KIF6: variants seen among roughly 807,000 people sequenced by gnomAD.
The protein encoded by KIF6 is kinesin-like protein KIF6.
A neutral mutation model predicts 112.7 loss-of-function variants in KIF6; 106 were observed. The ratio of observed to expected loss-of-function variants is 0.94; its 90% CI spans 0.80 to 1.11. KIF6 has a LOEUF of 1.11. Ranked by LOEUF, KIF6 falls within the 50% of genes least tolerant of loss-of-function variation. KIF6 has a pLI of 0.00. For synonymous variants in KIF6, 339 were observed against 339.9 expected (o/e 1.00, Z 0.03); for missense variants, 929 against 964.0 (o/e 0.96, Z 0.48).
chr6:39,724,601 A>T (rs911202304), intron 1 of KIF6, among the ~76,000 whole-genome samples: 1 of 152,224 alleles, frequency 6.6e-6, no homozygotes, highest in Non-Finnish European at 1.5e-5. Flanking sequence ...AATGAAGTAC[A>T]CATGCGTATT....
intron 10 of KIF6, among the ~76,000 whole-genome samples, chr6:39,571,416 C>T (rs962693823): frequency 1.3e-5 from 2 of 152,188 alleles, no homozygotes; most frequent in Admixed American, 6.5e-5. Flanking sequence ...CATGGTCACC[C>T]TGCTAAAGCT....
intron 10 of KIF6, among the ~76,000 whole-genome samples, chr6:39,576,804 C>A (rs1780998712): frequency 6.6e-6 from 1 of 152,178 alleles, no homozygotes; most frequent in South Asian, 2.1e-4. Flanking sequence ...AGTTTCTCAG[C>A]AAAACTGTCT....
chr6:39,533,442 G>A (rs1049129954), intron 13 of KIF6, among the ~76,000 whole-genome samples: 16 of 152,234 alleles, frequency 1.1e-4, no homozygotes, highest in Non-Finnish European at 5.9e-5. Context: ...ACTGCAAGGA[G>A]GCAGCGAGGC....
chr6:39,543,872 A>C (rs1246852911), intron 12 of KIF6, among the ~76,000 whole-genome samples: 1 of 152,154 alleles, frequency 6.6e-6, no homozygotes, highest in Admixed American at 6.5e-5. Flanking sequence ...CACTTTCAGC[A>C]CCCAAAATAC....
In KIF6 at chr6:39,711,277, TAAAAAAAA is replaced by T. The variant is rs34784345; in HGVS notation, c.251+3407_251+3414del. Among the ~76,000 whole-genome samples the T allele has an allele frequency of 1.6e-3, 116 of 72,870 alleles. 1 individual carries two copies. The highest frequency in any genetic ancestry group is 5.6e-3 in the South Asian group (12 of 2,158). The allele number at this position is 72,870 out of a possible 152,430, so 47.8% of individuals were successfully genotyped here. On this transcript the variant is annotated intron_variant, in intron 3 of 22. Coordinates refer to ENST00000287152, the MANE Select transcript of KIF6 (RefSeq NM_145027.6). ...AAAAATCCTAAAAACACCTGGAAAGTAAAAAAAAAAAAAAAAAAAAGTATGTCTAAAAA... is the reference window on the plus strand; with the variant it reads ...AAAAATCCTAAAAACACCTGGAAAGTAAAAAAAAAAAAGTATGTCTAAAAA...
chr6:39,590,408 T>C (rs971804934), intron 7 of KIF6, among the ~76,000 whole-genome samples: 2 of 130,680 alleles, frequency 1.5e-5, no homozygotes, highest in Admixed American at 8.9e-5. Context: ...GATATATATA[T>C]ATGTGTGTGT....
At chr6:39,591,706 G>A (rs573779701) in intron 7 of KIF6, among the ~76,000 whole-genome samples, 27 of 152,314 alleles carry the variant, frequency 1.8e-4, no homozygotes, top group Non-Finnish European at 3.2e-4. Flanking sequence ...AGAAATGGCA[G>A]GTATTCAGGA....
intron 9 of KIF6, 88 bp from the exon 10 acceptor site, chr6:39,578,247 A>T: frequency 1.2e-6 from 1 of 841,656 alleles, no homozygotes. Context: ...AAAATTATGG[A>T]CAATTTTATG....
intron 10 of KIF6, among the ~76,000 whole-genome samples, chr6:39,546,823 C>T (rs962261002): frequency 1.8e-5 from 2 of 112,790 alleles, no homozygotes; most frequent in African/African-American, 8.5e-5. Context: ...AAGACCCTGT[C>T]TCAAAAAAAA....
chr6:39,544,568 T>C lies in KIF6; in HGVS notation c.1413A>G (p.Arg471=). The change falls in exon 12 of 23, where the codon AGA becomes AGG. Residue 471 remains arginine, a synonymous_variant. Transcript: ENST00000287152. ...CAGAAAGGATACTGATTTCGTTATC[T>C]CTCTGTTTCAGAATATCTCGTAGCT... ...YRKLRDILKQ[R]DNEINILVNM... is the part of the protein sequence containing the mutation. 6.2e-7 allele frequency: 1 copy of C among 1,611,974 alleles called. No individual in the cohort carries two copies. The highest frequency in any genetic ancestry group is 1.1e-5 in the South Asian group (1 of 90,526).
At chr6:39,638,602 T>C (rs1168813421) in intron 4 of KIF6, among the ~76,000 whole-genome samples, 1 of 152,142 alleles carries the variant, frequency 6.6e-6, no homozygotes, top group Non-Finnish European at 1.5e-5. Flanking sequence ...TGCTACTTTA[T>C]GGATGGCAAT....
chr6:39,367,693 G>A (rs114480518), intron 16 of KIF6, among the ~76,000 whole-genome samples: 195 of 152,310 alleles, frequency 1.3e-3, no homozygotes, highest in African/African-American at 4.4e-3. Context: ...GGCCAGTCAA[G>A]ATGTGGACCC....
Position 39,343,605 on chromosome 6 carries a change from G to A in KIF6, c.2428+104C>T, listed in dbSNP as rs768722151. ...AGGCAGGCCAGTCCTGTGGCTTCAG[G>A]AATATGCAGGAAACTCCCTACTCCC... On this transcript the variant is annotated intron_variant, in intron 22 of 22. Coordinates refer to ENST00000287152, the MANE Select transcript of KIF6 (RefSeq NM_145027.6). The surrounding 1 kb of genome is among the most constrained non-coding windows in gnomAD (Gnocchi z 4.1). The A allele has an allele frequency of 1.3e-4, 143 of 1,134,866 alleles. No homozygotes were observed. In the Middle Eastern group the frequency reaches 1.4e-3, roughly 11 times the overall value. 70.3% of individuals were successfully genotyped at this position (1,134,866 alleles called of 1,614,324 possible).
At chr6:39,442,697 C>T (rs147417607) in intron 13 of KIF6, among the ~76,000 whole-genome samples, 1 of 152,184 alleles carries the variant, frequency 6.6e-6, no homozygotes, top group Non-Finnish European at 1.5e-5. Context: ...ATGTCTAATT[C>T]CAGGCTCAAT....
At chr6:39,609,873 G>A (rs1406331333) in intron 6 of KIF6, among the ~76,000 whole-genome samples, 1 of 152,120 alleles carries the variant, frequency 6.6e-6, no homozygotes, top group African/African-American at 2.4e-5. Context: ...GCTCCACATG[G>A]AAGAGATTCT....
At position 39,343,112 on chromosome 6, in the gene KIF6, G is replaced by C; in HGVS notation, c.2428+597C>G. ...AAAGAGAAAAGGCCCAGCCACAGCA[G>C]ATGGGAGATGGGCAGCTGCCAAGAG... is the stretch of plus-strand genomic sequence containing the variant. On this transcript the variant is annotated intron_variant, in intron 22 of 22. Coordinates refer to ENST00000287152, the MANE Select transcript of KIF6 (RefSeq NM_145027.6). This position sits in a 1 kb window ranked among gnomAD's most constrained non-coding sequence, Gnocchi z 4.1. The C allele has an allele frequency of 3.0e-6, 3 of 985,418 alleles. No individual in the cohort carries two copies. The highest frequency in any genetic ancestry group is 3.6e-6 in the Non-Finnish European group (3 of 829,916). 61.0% of individuals were successfully genotyped at this position (985,418 alleles called of 1,614,324 possible). A position where few individuals can be genotyped will look rare whatever the true frequency, so the allele number is the denominator to read the frequency against.
intron 16 of KIF6, among the ~76,000 whole-genome samples, chr6:39,373,145 T>C (rs145764195): frequency 6.6e-6 from 1 of 152,332 alleles, no homozygotes; most frequent in Non-Finnish European, 1.5e-5. Context: ...TTCTATATGT[T>C]TGGTCAAATG....
intron 10 of KIF6, among the ~76,000 whole-genome samples, chr6:39,551,707 T>C (rs914584239): frequency 6.6e-6 from 1 of 152,190 alleles, no homozygotes; most frequent in Admixed American, 6.5e-5. Context: ...AGGAATATGA[T>C]AACTAGGAAG....
chr6:39,487,276 C>T (rs1215312012), intron 13 of KIF6, among the ~76,000 whole-genome samples: 2 of 152,288 alleles, frequency 1.3e-5, no homozygotes, highest in South Asian at 4.1e-4. Context: ...TATCCCCATT[C>T]AGGACCTGGT....
Sources: allele counts gnomAD v4.1 joint callset (sites outside exome capture counted in the v4.1 genomes callset), GRCh38; gene constraint gnomAD v4.1.1; non-coding constraint Gnocchi (gnomAD v3.1); transcripts MANE v1.5; gene names NCBI Gene and HGNC (gene_info 2026-07-23, HGNC 2026-07-21).